MCF2L: variants seen among roughly 807,000 people sequenced by gnomAD.
MCF2L encodes guanine nucleotide exchange factor DBS.
Under a neutral mutation model 153.4 loss-of-function variants are expected in MCF2L, and 97 were observed. That is an observed-to-expected ratio of 0.63 (90% confidence interval 0.54 to 0.75). The LOEUF (loss-of-function observed/expected upper bound fraction) is 0.75. Among genes scored for constraint, MCF2L ranks in the 30% least tolerant of loss-of-function variants. The pLI, the probability that MCF2L is intolerant of heterozygous loss-of-function variation, is 0.00. For synonymous variants in MCF2L, 659 were observed against 632.2 expected (o/e 1.04, Z -0.64); for missense variants, 1,347 against 1,495.2 (o/e 0.90, Z 1.64).
At chr13:113,071,593 T>C (rs992194395) in intron 9 of MCF2L, among the ~76,000 whole-genome samples, 1 of 152,242 alleles carries the variant, frequency 6.6e-6, no homozygotes, top group Non-Finnish European at 1.5e-5. Context: ...TACCTCTGGA[T>C]GTCCAATTGC....
intron 27 of MCF2L, chr13:113,094,947 G>T (rs1253830431): frequency 1.3e-5 from 18 of 1,387,226 alleles, no homozygotes; most frequent in Non-Finnish European, 1.7e-5. Context: ...GCAGCACTTT[G>T]TGTTTCTGGG....
chr13:112,947,881 A>G (rs2140697766), intron 2 of MCF2L, among the ~76,000 whole-genome samples: 1 of 152,296 alleles, frequency 6.6e-6, no homozygotes, highest in African/African-American at 2.4e-5. Context: ...CTGCCTGGGC[A>G]CCCAGGCTAT....
intron 16 of MCF2L, among the ~76,000 whole-genome samples, chr13:113,081,775 G>A (rs2034156202): frequency 6.6e-6 from 1 of 152,224 alleles, no homozygotes; most frequent in South Asian, 2.1e-4. Flanking sequence ...CAGCGAGTGT[G>A]CACAGGTGGT....
chr13:113,023,502 C>T (rs1055315114), intron 2 of MCF2L, among the ~76,000 whole-genome samples: 3 of 152,064 alleles, frequency 2.0e-5, no homozygotes, highest in Non-Finnish European at 4.4e-5. Flanking sequence ...CGCAAGGCGG[C>T]GGGGGACTGT....
rs1427669633 is a variant in MCF2L at position 113,054,716 on chromosome 13, A to T, written c.370-5877A>T. 3 of 152,254 alleles carry T rather than the reference A, an allele frequency of 2.0e-5. No individual in the cohort carries two copies. The highest frequency in any genetic ancestry group is 7.2e-5 in the African/African-American group (3 of 41,470). The allele number at this position is 152,254 out of a possible 1,614,324, so 9.4% of individuals were successfully genotyped here. A position where few individuals can be genotyped will look rare whatever the true frequency, so the allele number is the denominator to read the frequency against. ...GAGGGTTTTTCAAACAGGGTTCCCC[A>T]AAGTACCCAGTTCTACAAAGTTCCC... is the stretch of plus-strand genomic sequence containing the variant. On this transcript the variant is annotated intron_variant, in intron 4 of 29. Transcript: ENST00000535094. The surrounding 1 kb of genome is among the most constrained non-coding windows in gnomAD (Gnocchi z 5.2).
chr13:113,029,428 T>A (rs991907019), intron 3 of MCF2L, among the ~76,000 whole-genome samples: 4 of 151,966 alleles, frequency 2.6e-5, no homozygotes, highest in Admixed American at 1.3e-4. Context: ...AAGTGCAGAG[T>A]GTGTTAAAAA....
In MCF2L at chr13:113,070,410, A is replaced by G. The variant is rs1318471900; in HGVS notation, c.996+237A>G. On this transcript the variant is annotated intron_variant, in intron 9 of 29. Coordinates refer to ENST00000535094, the MANE Select transcript of MCF2L (RefSeq NM_001112732.3). The surrounding 1 kb of genome is among the most constrained non-coding windows in gnomAD (Gnocchi z 5.6). ...GGTGATTGAAAATCAGCTCACTGGG[A>G]TGCACTTACACTGCATTATTCGTAA... The G allele has an allele frequency of 2.8e-6, 1 of 351,196 alleles. No individual in the cohort carries two copies. The highest frequency in any genetic ancestry group is 5.1e-6 in the Non-Finnish European group (1 of 194,646). 21.8% of individuals were successfully genotyped at this position (351,196 alleles called of 1,614,324 possible).
At chr13:113,030,357 G>A (rs920166653) in intron 3 of MCF2L, among the ~76,000 whole-genome samples, 3 of 141,664 alleles carry the variant, frequency 2.1e-5, no homozygotes, top group African/African-American at 5.5e-5. Context: ...GGACTCTCAG[G>A]TGTCCGCTGA....
Position 113,089,682 on chromosome 13 carries a change from A to T in MCF2L, c.2907A>T (p.Gly969=), listed in dbSNP as rs143456347. Reference sequence around the variant, plus strand: ...AAACAGACCCCCTAAGCCTGGAGGGATACGTCAGCTCAGCGCCACTGACAA... The same window carrying T: ...AAACAGACCCCCTAAGCCTGGAGGGTTACGTCAGCTCAGCGCCACTGACAA... ...ERKTDPLSLE[G]YVSSAPLTKP... is the part of the protein sequence containing the mutation. The change falls in exon 26 of 30, where the codon GGA becomes GGT. Residue 969 remains glycine (G), a synonymous_variant. Coordinates refer to ENST00000535094, the MANE Select transcript of MCF2L (RefSeq NM_001112732.3). 474 of 1,613,960 alleles carry T rather than the reference A, an allele frequency of 2.9e-4. No homozygotes were observed. Among genetic ancestry groups the T allele is most frequent in the Middle Eastern group, 4.9e-4 (3 of 6,062 alleles).
upstream of MCF2L, among the ~76,000 whole-genome samples, chr13:112,969,030 C>T (rs2081951902): frequency 6.6e-6 from 1 of 151,480 alleles, no homozygotes; most frequent in African/African-American, 2.4e-5. This position sits in a 1 kb window ranked among gnomAD's most constrained non-coding sequence, Gnocchi z 4.8. Context: ...CGTTGGTGAG[C>T]CCCGGGGCTC....
chr13:113,041,315 G>C (rs568001502), intron 3 of MCF2L, among the ~76,000 whole-genome samples: 2 of 152,330 alleles, frequency 1.3e-5, no homozygotes, highest in South Asian at 4.1e-4. Flanking sequence ...CGTGAGCCCT[G>C]GGTCCTCACT....
chr13:113,025,916 G>A (rs918536437), intron 3 of MCF2L, among the ~76,000 whole-genome samples: 6 of 82,530 alleles, frequency 7.3e-5, no homozygotes, highest in East Asian at 6.9e-4. Flanking sequence ...TGGGGTCCCC[G>A]TGACTGTGGG....
At position 113,025,983 on chromosome 13, in the gene MCF2L, G is replaced by A. The variant is rs1290624763; in HGVS notation, c.278+1225G>A. On this transcript the variant is annotated intron_variant, in intron 3 of 29. Transcript: ENST00000535094. The stretch of plus-strand genomic sequence containing the variant: ...CATGGGGTCCCCGTGACTGTGGGTC[G>A]GGGCAGAGTCTCCGTGAGGTTTCAT... Among the ~76,000 whole-genome samples, 27 of 85,776 alleles carry A rather than the reference G, an allele frequency of 3.1e-4. 1 individual carries two copies. The highest frequency in any genetic ancestry group is 7.0e-4 in the African/African-American group (16 of 22,964). The allele number at this position is 85,776 out of a possible 152,430, so 56.3% of individuals were successfully genotyped here. A position where few individuals can be genotyped will look rare whatever the true frequency, so the allele number is the denominator to read the frequency against.
At chr13:112,926,493 G>A (rs1215260441) in intron 2 of MCF2L, among the ~76,000 whole-genome samples, 2 of 152,022 alleles carry the variant, frequency 1.3e-5, no homozygotes, top group African/African-American at 4.8e-5. Flanking sequence ...GTGCTGCACG[G>A]CCTGGTCTAC....
chr13:113,094,777 G>A (rs543621785), intron 27 of MCF2L, 142 bp downstream of exon 27: 167 of 1,200,322 alleles, frequency 1.4e-4, no homozygotes, highest in Admixed American at 2.5e-4. Context: ...ATGGGCCTGG[G>A]TCTTACGGGC....
chr13:112,995,002 CA>C (rs1161788440), intron 1 of MCF2L, among the ~76,000 whole-genome samples: 1 of 152,260 alleles, frequency 6.6e-6, no homozygotes, highest in Non-Finnish European at 1.5e-5. Flanking sequence ...GGACGGTCCC[CA>C]GGGGCGCCTC....
At chr13:113,075,557 A>T (rs1293353228) in intron 11 of MCF2L, among the ~76,000 whole-genome samples, 3 of 150,958 alleles carry the variant, frequency 2.0e-5, no homozygotes, top group African/African-American at 7.3e-5. Flanking sequence ...CTGGTCTCGA[A>T]CTCCTGGGCT....
At chr13:113,015,408 T>A (rs932425692) in intron 2 of MCF2L, among the ~76,000 whole-genome samples, 1 of 152,170 alleles carries the variant, frequency 6.6e-6, no homozygotes, top group African/African-American at 2.4e-5. Context: ...AAAAACACCA[T>A]GCACATGCAT....
At chr13:112,961,014 C>T (rs1284241815) in intron 2 of MCF2L, among the ~76,000 whole-genome samples, 1 of 152,170 alleles carries the variant, frequency 6.6e-6, no homozygotes, top group Non-Finnish European at 1.5e-5. Context: ...GGCATCAAAA[C>T]ACACACTTCC....
Sources: allele counts gnomAD v4.1 joint callset (sites outside exome capture counted in the v4.1 genomes callset), GRCh38; gene constraint gnomAD v4.1.1; non-coding constraint Gnocchi (gnomAD v3.1); transcripts MANE v1.5; gene names NCBI Gene and HGNC (gene_info 2026-07-23, HGNC 2026-07-21).